Variants in REV3L observed in about 807,000 individuals in gnomAD.
REV3L encodes REV3 like, DNA directed polymerase zeta catalytic subunit.
REV3L carries 69 observed loss-of-function variants against 299.4 expected under a neutral mutation model. The observed-to-expected ratio is 0.23, with a 90% CI of 0.19 to 0.28. The LOEUF (loss-of-function observed/expected upper bound fraction) is 0.28. REV3L is among the 10% of genes least tolerant of loss of function. The pLI, the probability that REV3L is intolerant of heterozygous loss-of-function variation, is 1.00. For synonymous variants in REV3L, 1,238 were observed against 1,271.4 expected (o/e 0.97, Z 0.56); for missense variants, 3,128 against 3,693.8 (o/e 0.85, Z 3.97).
At chr6:111,396,049 C>T (rs1022583249) in intron 4 of REV3L, among the ~76,000 whole-genome samples, 7 of 151,880 alleles carry the variant, frequency 4.6e-5, no homozygotes, top group African/African-American at 1.7e-4. Context: ...TTTTTTGAGA[C>T]AGGGTCTCAC....
chr6:111,468,895 C>G (rs1487537450), intron 1 of REV3L, among the ~76,000 whole-genome samples: 1 of 152,142 alleles, frequency 6.6e-6, no homozygotes, highest in Non-Finnish European at 1.5e-5. Flanking sequence ...CGTAGTGGCT[C>G]ATGCCTGTAA....
intron 15 of REV3L, 45 bp from the exon 16 acceptor site, chr6:111,364,023 G>A (rs376644369): frequency 1.2e-5 from 19 of 1,566,288 alleles, no homozygotes; most frequent in Non-Finnish European, 1.5e-5. Context: ...AAAGATACAT[G>A]AGCAATCATT....
intron 19 of REV3L, 78 bp from the exon 20 acceptor site, chr6:111,349,414 A>G: frequency 1.5e-6 from 1 of 668,006 alleles, no homozygotes; most frequent in Non-Finnish European, 2.6e-6. Flanking sequence ...GAAAATGAGA[A>G]TATACATTAA....
rs1007587463 is a variant in REV3L, at chr6:111,374,176, A to G, written c.4179T>C (p.Tyr1393=). 1 of 1,613,986 alleles carries G rather than the reference A, an allele frequency of 6.2e-7. No individual in the cohort carries two copies. Among genetic ancestry groups the G allele is most frequent in the Non-Finnish European group, 8.5e-7 (1 of 1,179,970 alleles). The change falls in exon 13 of 32, where the codon TAT becomes TAC. Residue 1393 remains tyrosine, a synonymous_variant. Transcript: ENST00000368802. ...CACTTAACTTTCCGATTGATGACAAATAGTTTCTTTGTATATTATTTGCAT... is the reference window on the plus strand; with the variant it reads ...CACTTAACTTTCCGATTGATGACAAGTAGTTTCTTTGTATATTATTTGCAT... ...EDNANNIQRN[Y]LSSIGKLSEY... is the part of the protein sequence containing the mutation.
At chr6:111,429,492 G>A (rs1398262496) in intron 1 of REV3L, among the ~76,000 whole-genome samples, 1 of 152,062 alleles carries the variant, frequency 6.6e-6, no homozygotes, top group Non-Finnish European at 1.5e-5. Context: ...AAACAAACCA[G>A]AATACTCTAT....
At chr6:111,334,130 G>T (rs11963081) in intron 22 of REV3L, among the ~76,000 whole-genome samples, 1 of 151,994 alleles carries the variant, frequency 6.6e-6, no homozygotes, top group Admixed American at 6.6e-5. Context: ...GTAGAGATGG[G>T]GTTTCATCAT....
In REV3L at chr6:111,373,957, T is replaced by G. The variant is rs1258597827; in HGVS notation, c.4398A>C (p.Pro1466=). The G allele has an allele frequency of 6.2e-7, 1 of 1,614,002 alleles. No homozygotes were observed. Among genetic ancestry groups the G allele is most frequent in the Non-Finnish European group, 8.5e-7 (1 of 1,179,982 alleles). Residue 1466 remains proline (P), a synonymous_variant, in exon 13 of 32, where the codon CCA becomes CCC. Transcript: ENST00000368802. ...TTTGCTCCCATGCTATTTGTTTGAT[T>G]GGACTTCTCAAGGAAGTTACAAAGC... ...NNCFVTSLRS[P]IKQIAWEQKQ...
intron 1 of REV3L, among the ~76,000 whole-genome samples, chr6:111,452,882 C>T (rs1789720465): frequency 6.6e-6 from 1 of 152,058 alleles, no homozygotes; most frequent in Non-Finnish European, 1.5e-5. Flanking sequence ...TTTATCAACA[C>T]CTGACAGAAA....
At chr6:111,431,593 G>C in intron 1 of REV3L, 1 of 771,338 alleles carries the variant, frequency 1.3e-6, no homozygotes, top group Non-Finnish European at 2.3e-6. Context: ...CACTGAACAA[G>C]TGACCAATAA....
At chr6:111,394,672 TC>T (rs1554219147) in intron 4 of REV3L, among the ~76,000 whole-genome samples, 1 of 151,780 alleles carries the variant, frequency 6.6e-6, no homozygotes, top group Non-Finnish European at 1.5e-5. Context: ...TAAAATTTTT[TC>T]CCAGACCAAT....
chr6:111,393,069 G>A (rs963645055), intron 4 of REV3L, 97 bp from the exon 5 acceptor site: 31 of 716,156 alleles, frequency 4.3e-5, no homozygotes, highest in African/African-American at 3.8e-4. Context: ...ATGGAGTCTC[G>A]CTTTGTTGCC....
chr6:111,387,033 T>C (rs1781421664), intron 9 of REV3L, among the ~76,000 whole-genome samples: 1 of 152,174 alleles, frequency 6.6e-6, no homozygotes, highest in Non-Finnish European at 1.5e-5. Flanking sequence ...GCAGCACTAT[T>C]CTTACCAGGC....
At chr6:111,370,388 CTG>C (rs754729062) in intron 13 of REV3L, among the ~76,000 whole-genome samples, 6 of 152,126 alleles carry the variant, frequency 3.9e-5, no homozygotes, top group Non-Finnish European at 5.9e-5. Flanking sequence ...CTAAACAAAA[CTG>C]TGTGTTGAAA....
Position 111,299,198 on chromosome 6 carries a change from A to G in REV3L, c.*818T>C, listed in dbSNP as rs191290763. 7.2e-5 allele frequency: 11 copies of G among 152,730 alleles called. No individual in the cohort carries two copies. The allele number at this position is 152,730 out of a possible 1,614,324, so 9.5% of individuals were successfully genotyped here. ...ACATTTTGTGTTCAAGATGATGGCA[A>G]ATAAGATTAACTGTACAGTACATAA... On this transcript the variant is annotated 3_prime_UTR_variant, in exon 32 of 32. Transcript: ENST00000368802.
At position 111,358,699 on chromosome 6, in the gene REV3L, T is replaced by C. The variant is rs1352038716; in HGVS notation, c.7072+123A>G. ...TTATACACAATCTCCTACCCCTACC[T>C]CAGCAAACATTTTAGAAAAGAGTCA... On this transcript the variant is annotated intron_variant, in intron 17 of 31. Coordinates refer to ENST00000368802, the MANE Select transcript of REV3L (RefSeq NM_001372078.1). 46 of 702,994 alleles carry C rather than the reference T, an allele frequency of 6.5e-5. No homozygotes were observed. In the East Asian group the frequency reaches 1.2e-3, roughly 19 times the overall value. 43.5% of individuals were successfully genotyped at this position (702,994 alleles called of 1,614,324 possible).
Position 111,376,284 on chromosome 6 carries a change from T to A in REV3L, c.2071A>T (p.Ile691Leu). The A allele has an allele frequency of 1.9e-6, 3 of 1,613,820 alleles. No homozygotes were observed. Among genetic ancestry groups the A allele is most frequent in the Non-Finnish European group, 2.5e-6 (3 of 1,179,916 alleles). The stretch of plus-strand genomic sequence containing the variant: ...TCGTTAGGGTGACGGTGCATATGTA[T>A]AAAAGGGGAATCCTTTTCGATTTTT... ...IRKIEKDSPF[I>L]HMHRHPNENT... is the part of the protein sequence containing the mutation. Residue 691 changes from isoleucine to leucine, a missense_variant, in exon 13 of 32, where the codon ATA becomes TTA. Transcript: ENST00000368802.
rs1189043486 is a variant in REV3L at position 111,417,534 on chromosome 6, C to T, written c.140-1062G>A. 6.6e-5 allele frequency among the ~76,000 whole-genome samples: 10 copies of T among 152,232 alleles called. 1 individual carries two copies. In the South Asian group the frequency reaches 1.2e-3, roughly 19 times the overall value. ...TGCCAACACAAGCCTCAGGCTTCTT[C>T]CCCACCCCTTATCCCTCCTCACTCT... is the stretch of plus-strand genomic sequence containing the variant. On this transcript the variant is annotated intron_variant, in intron 1 of 31. Coordinates refer to ENST00000368802, the MANE Select transcript of REV3L (RefSeq NM_001372078.1).
At chr6:111,308,995 T>A (rs1772652687) in intron 30 of REV3L, among the ~76,000 whole-genome samples, 1 of 152,226 alleles carries the variant, frequency 6.6e-6, no homozygotes, top group African/African-American at 2.4e-5. Flanking sequence ...GCTCGCTTCT[T>A]CAGTGCCCCG....
intron 1 of REV3L, among the ~76,000 whole-genome samples, chr6:111,444,504 A>G (rs969879006): frequency 6.6e-6 from 1 of 152,202 alleles, no homozygotes; most frequent in African/African-American, 2.4e-5. Context: ...CAGAATATAT[A>G]AAGAACTCCT....
Sources: gnomAD v4.1 joint callset for allele counts (sites outside exome capture counted in the v4.1 genomes callset) on GRCh38, gnomAD v4.1.1 for gene constraint, MANE v1.5 for transcripts, NCBI Gene and HGNC (gene_info 2026-07-23, HGNC 2026-07-21) for gene names.